CSMD1: variants seen among roughly 807,000 people sequenced by gnomAD.
CSMD1 encodes CUB and sushi domain-containing protein 1.
A neutral mutation model predicts 417.5 loss-of-function variants in CSMD1; 213 were observed. The observed-to-expected ratio is 0.51, with a 90% confidence interval of 0.46 to 0.57. The LOEUF is 0.57. Ranked by LOEUF, CSMD1 falls within the 20% of genes least tolerant of loss-of-function variation. The pLI is 0.00. For missense variants in CSMD1, 6,923 were observed against 4,529.7 expected (o/e 1.53, Z -15.17); for synonymous variants, 2,862 against 1,736.8 (o/e 1.65, Z -16.11).
At position 4,142,456 on chromosome 8, in the gene CSMD1, G is replaced by C. The variant is rs558818063; in HGVS notation, c.416-110357C>G. The stretch of plus-strand genomic sequence containing the variant: ...AGAACTAGTTTCCCTCTACTCCTCT[G>C]AGAATAATCTACCTTGTTATTTGCT... On this transcript the variant is annotated intron_variant, in intron 3 of 69. Coordinates refer to ENST00000635120, the MANE Select transcript of CSMD1 (RefSeq NM_033225.6). Among the ~76,000 whole-genome samples, 6 of 151,256 alleles carry C rather than the reference G, an allele frequency of 4.0e-5. 1 individual carries two copies. The highest frequency in any genetic ancestry group is 1.5e-4 in the African/African-American group (6 of 40,590).
At chr8:3,385,351 G>C (rs1469123478) in intron 18 of CSMD1, among the ~76,000 whole-genome samples, 1 of 132,378 alleles carries the variant, frequency 7.6e-6, no homozygotes, top group East Asian at 2.1e-4. Context: ...GTGTTTTTGT[G>C]TTTTACCCTA....
At chr8:3,548,921 C>G (rs1798793413) in intron 10 of CSMD1, among the ~76,000 whole-genome samples, 1 of 152,118 alleles carries the variant, frequency 6.6e-6, no homozygotes, top group African/African-American at 2.4e-5. Flanking sequence ...TGGTCACACA[C>G]ACTAAGTTCT....
intron 11 of CSMD1, among the ~76,000 whole-genome samples, chr8:3,484,007 C>A (rs1407569652): frequency 1.3e-5 from 2 of 152,156 alleles, no homozygotes; most frequent in African/African-American, 2.4e-5. Flanking sequence ...TTATCAATAG[C>A]TTTAATGTAA....
At chr8:3,775,320 T>C (rs1484301652) in intron 5 of CSMD1, among the ~76,000 whole-genome samples, 1 of 152,186 alleles carries the variant, frequency 6.6e-6, no homozygotes, top group Non-Finnish European at 1.5e-5. Context: ...AGTGAAGTTA[T>C]GCAGGCAATG....
intron 1 of CSMD1, among the ~76,000 whole-genome samples, chr8:4,697,520 C>A (rs1584958494): frequency 6.6e-6 from 1 of 152,108 alleles, no homozygotes; most frequent in Non-Finnish European, 1.5e-5. Context: ...ATTCTATGTC[C>A]TGTATTGTTT....
At chr8:4,918,045 T>A (rs781313751) in intron 1 of CSMD1, among the ~76,000 whole-genome samples, 7 of 152,180 alleles carry the variant, frequency 4.6e-5, no homozygotes, top group Non-Finnish European at 8.8e-5. Flanking sequence ...CTAGACTTTG[T>A]GATGTTTAAA....
chr8:3,043,677 A>T (rs2128985030), intron 50 of CSMD1: 1 of 152,278 alleles, frequency 6.6e-6, no homozygotes, highest in Admixed American at 6.5e-5. Context: ...TCATGCAAAA[A>T]TCACACATTT....
At chr8:3,539,725 C>T (rs1165405605) in intron 10 of CSMD1, among the ~76,000 whole-genome samples, 1 of 146,872 alleles carries the variant, frequency 6.8e-6, no homozygotes, top group Admixed American at 6.8e-5. Flanking sequence ...AAACATATCA[C>T]ACATTGAAAA....
intron 1 of CSMD1, among the ~76,000 whole-genome samples, chr8:4,660,079 T>C (rs1804495473): frequency 6.7e-6 from 1 of 149,524 alleles, no homozygotes; most frequent in Non-Finnish European, 1.5e-5. Context: ...ATGTCCACTC[T>C]TATTCAATAT....
At chr8:4,486,583 G>A in intron 2 of CSMD1, among the ~76,000 whole-genome samples, 1 of 151,844 alleles carries the variant, frequency 6.6e-6, no homozygotes, top group South Asian at 2.1e-4. Flanking sequence ...GCATATATAA[G>A]AAGTCCATCT....
chr8:4,717,310 C>CTCTATATATATATATATATATATATATAT (rs1808719060), intron 1 of CSMD1, among the ~76,000 whole-genome samples: 1 of 137,132 alleles, frequency 7.3e-6, no homozygotes, highest in South Asian at 2.2e-4. Flanking sequence ...TCTCTCTCTC[C>CTCTATATATATATATATATATATATATAT]ATATATATAT....
At chr8:3,439,657 G>T (rs572094473) in intron 12 of CSMD1, among the ~76,000 whole-genome samples, 1 of 151,906 alleles carries the variant, frequency 6.6e-6, no homozygotes, top group South Asian at 2.1e-4. Flanking sequence ...TTTTGATAAG[G>T]TAATAATCAA....
chr8:4,165,289 G>C (rs2407308), intron 3 of CSMD1, among the ~76,000 whole-genome samples: 2,057 of 152,186 alleles, frequency 0.014, 45 homozygotes, highest in African/African-American at 0.045. Context: ...TGATCCACTC[G>C]GTTAAGTTCT....
intron 5 of CSMD1, among the ~76,000 whole-genome samples, chr8:3,946,038 C>G (rs935635857): frequency 4.6e-5 from 7 of 152,120 alleles, no homozygotes; most frequent in African/African-American, 1.7e-4. Context: ...GATGTAGGCG[C>G]TACTTTTACC....
chr8:3,677,142 A>C (rs1164606784), intron 7 of CSMD1, among the ~76,000 whole-genome samples: 1 of 152,162 alleles, frequency 6.6e-6, no homozygotes, highest in Non-Finnish European at 1.5e-5. Flanking sequence ...CACATTCTGC[A>C]CATGTAACCC....
At chr8:4,246,643 T>G (rs1052085906) in intron 3 of CSMD1, among the ~76,000 whole-genome samples, 3 of 152,208 alleles carry the variant, frequency 2.0e-5, no homozygotes, top group Non-Finnish European at 4.4e-5. Flanking sequence ...TTTCTGCAAA[T>G]GCTGAGGCAA....
In CSMD1 at chr8:3,467,782, G is replaced by C. The variant is rs573701758; in HGVS notation, c.1561+930C>G. On this transcript the variant is annotated intron_variant, in intron 12 of 69. Coordinates refer to ENST00000635120, the MANE Select transcript of CSMD1 (RefSeq NM_033225.6). ...TCCCTTACCATGCTTGTTGATTTAG[G>C]ATTGGTGGATGCTTTTTTATTATCT... 1.1e-4 allele frequency among the ~76,000 whole-genome samples: 16 copies of C among 152,262 alleles called. No individual in the cohort carries two copies. In the East Asian group the frequency reaches 2.9e-3, roughly 28 times the overall value.
At chr8:2,945,624 A>G (rs980946170) in intron 68 of CSMD1, among the ~76,000 whole-genome samples, 2 of 152,128 alleles carry the variant, frequency 1.3e-5, no homozygotes, top group South Asian at 2.1e-4. Context: ...ATTTCATTCA[A>G]TCATTATCGT....
intron 1 of CSMD1, among the ~76,000 whole-genome samples, chr8:4,680,643 G>A (rs763305744): frequency 6.6e-6 from 1 of 152,110 alleles, no homozygotes; most frequent in East Asian, 1.9e-4. Flanking sequence ...GCAGTGGCAT[G>A]ATCTTGGCTC....
Sources: gnomAD v4.1 joint callset for allele counts (sites outside exome capture counted in the v4.1 genomes callset) on GRCh38, gnomAD v4.1.1 for gene constraint, MANE v1.5 for transcripts, NCBI Gene and HGNC (gene_info 2026-07-23, HGNC 2026-07-21) for gene names.